Variants in CHRDL1 observed in about 807,000 individuals in gnomAD.
CHRDL1 encodes chordin like 1.
A neutral mutation model predicts 40.9 loss-of-function variants in CHRDL1; 19 were observed. The observed-to-expected ratio is 0.46, with a 90% CI of 0.32 to 0.68. The LOEUF (loss-of-function observed/expected upper bound fraction) is 0.68, where lower values mean the gene tolerates loss of function less well. Ranked by LOEUF, CHRDL1 falls within the 30% of genes least tolerant of loss-of-function variation. CHRDL1 has a pLI of 0.03. For missense variants in CHRDL1, 329 were observed against 352.1 expected, an observed-to-expected ratio of 0.93 and a Z score of 0.53; for synonymous variants, 136 against 123.4, an observed-to-expected ratio of 1.10 and a Z score of -0.68.
intron 6 of CHRDL1, among the ~76,000 whole-genome samples, chrX:110,712,728 C>A (rs999809917): frequency 1.8e-5 from 2 of 108,554 alleles, no homozygotes; most frequent in Non-Finnish European, 3.8e-5. Flanking sequence ...ATTGGTTGGG[C>A]ACGGTGGTGC....
chrX:110,674,950 C>G lies in CHRDL1; in HGVS notation c.*1281G>C, dbSNP rs1318428974. ...GTAGACATTTTAGGAGCAGCCTTCTCTGGAATTCTTGACTAAAATATCTGC... is the reference window on the plus strand; with the variant it reads ...GTAGACATTTTAGGAGCAGCCTTCTGTGGAATTCTTGACTAAAATATCTGC... On this transcript the variant is annotated 3_prime_UTR_variant, in exon 12 of 12. Coordinates refer to ENST00000372042, the MANE Select transcript of CHRDL1 (RefSeq NM_001143981.2). 8.9e-6 allele frequency: 1 copy of G among 112,062 alleles called. No homozygotes were observed. Among genetic ancestry groups the G allele is most frequent in the African/African-American group, 3.2e-5 (1 of 30,839 alleles). 9.2% of individuals were successfully genotyped at this position (112,062 alleles called of 1,213,427 possible).
At chrX:110,677,544 C>G (rs776959644) in intron 11 of CHRDL1, among the ~76,000 whole-genome samples, 1 of 111,568 alleles carries the variant, frequency 9.0e-6, no homozygotes, top group South Asian at 3.8e-4. Context: ...CCCCTGGAAC[C>G]TAGAACAAAG....
intron 4 of CHRDL1, among the ~76,000 whole-genome samples, chrX:110,751,564 A>G (rs2089358781): frequency 8.9e-6 from 1 of 112,192 alleles, no homozygotes; most frequent in Non-Finnish European, 1.9e-5. Context: ...AATCAAAGCC[A>G]CAATGAGGTA....
chrX:110,679,462 A>T, intron 10 of CHRDL1, 37 bp from the exon 11 acceptor site: 2 of 948,989 alleles, frequency 2.1e-6, no homozygotes, highest in Non-Finnish European at 3.0e-6. Context: ...ATGGTCAGGC[A>T]CTCAATCTGG....
intron 4 of CHRDL1, among the ~76,000 whole-genome samples, chrX:110,751,832 C>T (rs770920599): frequency 1.8e-5 from 2 of 111,698 alleles, no homozygotes; most frequent in East Asian, 5.6e-4. Context: ...CTATGTTTAT[C>T]GCAGGACCAC....
intron 3 of CHRDL1, among the ~76,000 whole-genome samples, chrX:110,760,722 C>A (rs908343761): frequency 8.9e-6 from 1 of 112,102 alleles, no homozygotes; most frequent in African/African-American, 3.2e-5. Flanking sequence ...ATGCCCTAAC[C>A]ATTTAAAGAG....
chrX:110,771,294 G>C (rs376158954), intron 2 of CHRDL1, among the ~76,000 whole-genome samples: 28 of 111,627 alleles, frequency 2.5e-4, no homozygotes, highest in East Asian at 2.2e-3. Context: ...AACCCTTCCA[G>C]AAAACTGAAG....
chrX:110,719,826 C>T lies in CHRDL1; in HGVS notation c.541+9G>A, dbSNP rs377043908. The T allele has an allele frequency of 3.3e-4, 383 of 1,163,311 alleles. 1 individual carries two copies. The African/African-American group carries it at 6.4e-3, about 20-fold the overall frequency. The stretch of plus-strand genomic sequence containing the variant: ...AGCACCCAGGGGTCTTGGGATATAA[C>T]ACACCTACCTCTGCATACCCGGCAG... On this transcript the variant is annotated intron_variant, in intron 6 of 11. Coordinates refer to ENST00000372042, the MANE Select transcript of CHRDL1 (RefSeq NM_001143981.2).
intron 11 of CHRDL1, among the ~76,000 whole-genome samples, chrX:110,677,283 A>T (rs1194539838): frequency 9.0e-6 from 1 of 111,539 alleles, no homozygotes; most frequent in Non-Finnish European, 1.9e-5. Flanking sequence ...GGGAAGATAG[A>T]AGGAAAAACA....
intron 8 of CHRDL1, among the ~76,000 whole-genome samples, chrX:110,693,509 A>T (rs764222270): frequency 1.8e-5 from 2 of 108,442 alleles, no homozygotes; most frequent in East Asian, 5.7e-4. Context: ...TCACTACCAT[A>T]CTTGGCTAAT....
At chrX:110,735,987 A>G (rs2071256759) in intron 4 of CHRDL1, among the ~76,000 whole-genome samples, 1 of 112,228 alleles carries the variant, frequency 8.9e-6, no homozygotes, top group South Asian at 3.7e-4. Flanking sequence ...CCCAATGCAC[A>G]TATTATTTTG....
intron 4 of CHRDL1, among the ~76,000 whole-genome samples, chrX:110,758,140 A>C (rs956500204): frequency 6.4e-5 from 7 of 109,933 alleles, no homozygotes; most frequent in African/African-American, 1.7e-4. Flanking sequence ...CAAAAAAAAA[A>C]AAAACAAAGA....
chrX:110,719,849 C>A lies in CHRDL1; in HGVS notation c.527G>T (p.Cys176Phe). Residue 176 changes from cysteine (C) to phenylalanine (F), a missense_variant, in exon 6 of 12, where the codon TGC becomes TTC. Cys to Phe is a radical substitution (Grantham distance 205). Coordinates refer to ENST00000372042, the MANE Select transcript of CHRDL1 (RefSeq NM_001143981.2). ...AACACACCTACCTCTGCATACCCGG[C>A]AGCAGGAATCTGGAACAGAGACTGG... ...AFPVSVPDSC[C>F]RVCRGDGELS... The A allele has an allele frequency of 8.3e-7, 1 of 1,202,012 alleles. No homozygotes were observed. The highest frequency in any genetic ancestry group is 1.1e-6 in the Non-Finnish European group (1 of 887,155).
rs2070445040 is a variant in CHRDL1 at position 110,698,374 on chromosome X, T to C, written c.609+2280A>G. Among the ~76,000 whole-genome samples, 4 of 111,653 alleles carry C rather than the reference T, an allele frequency of 3.6e-5. No homozygotes were observed. In the Admixed American group the frequency reaches 3.8e-4, roughly 11 times the overall value. ...CATTTTACGCCACCTCCCACACCCATTCATTCAATGTTTATTTATTGGGTG... is the reference window on the plus strand; with the variant it reads ...CATTTTACGCCACCTCCCACACCCACTCATTCAATGTTTATTTATTGGGTG... On this transcript the variant is annotated intron_variant, in intron 7 of 11. Coordinates refer to ENST00000372042, the MANE Select transcript of CHRDL1 (RefSeq NM_001143981.2).
At chrX:110,708,123 T>A (rs2070679889) in intron 6 of CHRDL1, among the ~76,000 whole-genome samples, 1 of 110,120 alleles carries the variant, frequency 9.1e-6, no homozygotes, top group South Asian at 4.0e-4. Context: ...AGAATGGTGA[T>A]CCTTAAAAAG....
chrX:110,721,311 T>C, intron 5 of CHRDL1, 74 bp downstream of exon 5: 2 of 990,234 alleles, frequency 2.0e-6, no homozygotes, highest in East Asian at 3.1e-5. Flanking sequence ...CAGGCACAAA[T>C]GAAAGTACAA....
intron 6 of CHRDL1, among the ~76,000 whole-genome samples, chrX:110,703,459 T>C (rs1039729006): frequency 8.9e-6 from 1 of 112,043 alleles, no homozygotes; most frequent in Non-Finnish European, 1.9e-5. Flanking sequence ...AAAACAAAGA[T>C]GATTTCAACT....
At chrX:110,700,934 A>G (rs757909557) in intron 6 of CHRDL1, among the ~76,000 whole-genome samples, 29 of 112,236 alleles carry the variant, frequency 2.6e-4, no homozygotes, top group African/African-American at 8.4e-4. Flanking sequence ...CACTTTCTAA[A>G]TAGATGTCCT....
At chrX:110,764,784 T>A (rs2089630377) in intron 2 of CHRDL1, among the ~76,000 whole-genome samples, 1 of 110,655 alleles carries the variant, frequency 9.0e-6, no homozygotes, top group African/African-American at 3.3e-5. Context: ...AATGCATTCC[T>A]GGGGGGAGGT....
Sources: gnomAD v4.1 joint callset for allele counts (sites outside exome capture counted in the v4.1 genomes callset) on GRCh38, gnomAD v4.1.1 for gene constraint, MANE v1.5 for transcripts, NCBI Gene and HGNC (gene_info 2026-07-23, HGNC 2026-07-21) for gene names.